PDCD6IP: variants seen among roughly 807,000 people sequenced by gnomAD.
The protein encoded by PDCD6IP is programmed cell death 6-interacting protein.
A neutral mutation model predicts 103.7 loss-of-function variants in PDCD6IP; 43 were observed. The ratio of observed to expected loss-of-function variants is 0.41; its 90% confidence interval spans 0.32 to 0.53. The LOEUF (loss-of-function observed/expected upper bound fraction) is 0.53, where lower values mean the gene tolerates loss of function less well. PDCD6IP is among the 20% of genes least tolerant of loss of function. PDCD6IP has a pLI of 0.16. For synonymous variants in PDCD6IP, 354 were observed against 378.7 expected (o/e 0.93, Z 0.76); for missense variants, 871 against 1,036.7 (o/e 0.84, Z 2.20).
intron 2 of PDCD6IP, among the ~76,000 whole-genome samples, chr3:33,813,048 C>T (rs544364288): frequency 6.6e-6 from 1 of 152,152 alleles, no homozygotes; most frequent in Non-Finnish European, 1.5e-5. Context: ...TTTCATGTAG[C>T]ATATGGAAAA....
Position 33,828,968 on chromosome 3 carries a change from A to G in PDCD6IP, c.833A>G (p.Gln278Arg). 1.3e-6 allele frequency: 2 copies of G among 1,598,310 alleles called. No individual in the cohort carries two copies. The highest frequency in any genetic ancestry group is 8.5e-7 in the Non-Finnish European group (1 of 1,172,168). Residue 278 changes from glutamine (Q) to arginine (R), a missense_variant and splice_region_variant, in exon 7 of 18, where the codon CAG (glutamine) becomes CGG (arginine). Physicochemically the swap from Gln to Arg is conservative, Grantham distance 43. Coordinates refer to ENST00000307296, the MANE Select transcript of PDCD6IP (RefSeq NM_013374.6). ...KKFGEEIARL[Q>R]HAAELIKTVA... is the part of the protein sequence containing the mutation. Reference sequence around the variant, plus strand: ...TTTGGAGAAGAAATTGCAAGGTTACAGGTGAGTCTCTTGGTAATAAATATT... The same window carrying G: ...TTTGGAGAAGAAATTGCAAGGTTACGGGTGAGTCTCTTGGTAATAAATATT...
At chr3:33,864,506 C>T (rs1336795325) in intron 16 of PDCD6IP, among the ~76,000 whole-genome samples, 2 of 152,028 alleles carry the variant, frequency 1.3e-5, no homozygotes, top group African/African-American at 4.8e-5. Flanking sequence ...GAGGCATATT[C>T]TAGATGAAAA....
intron 9 of PDCD6IP, among the ~76,000 whole-genome samples, chr3:33,840,148 A>AC (rs60185322): frequency 1.0e-3 from 154 of 152,040 alleles, no homozygotes; most frequent in African/African-American, 3.6e-3. Flanking sequence ...CTTACCGATA[A>AC]ACAGTCAATT....
intron 15 of PDCD6IP, among the ~76,000 whole-genome samples, chr3:33,859,425 A>G (rs1318173111): frequency 6.6e-6 from 1 of 152,182 alleles, no homozygotes; most frequent in Non-Finnish European, 1.5e-5. Flanking sequence ...TGGGAATCCA[A>G]TATTTGAAAC....
chr3:33,825,081 A>T, intron 4 of PDCD6IP, 106 bp from the exon 5 acceptor site: 2 of 944,076 alleles, frequency 2.1e-6, no homozygotes, highest in Non-Finnish European at 3.3e-6. Flanking sequence ...AAATTTAAAT[A>T]TATTAACTGT....
intron 3 of PDCD6IP, among the ~76,000 whole-genome samples, chr3:33,813,909 CAAACTCATGG>C (rs1575904624): frequency 6.6e-6 from 1 of 152,154 alleles, no homozygotes; most frequent in Admixed American, 6.5e-5. Context: ...AGCCTATGAA[CAAACTCATGG>C]AAGCATATAT....
intron 9 of PDCD6IP, among the ~76,000 whole-genome samples, chr3:33,839,941 G>A (rs9842672): frequency 2.0e-5 from 3 of 151,970 alleles, no homozygotes; most frequent in African/African-American, 7.3e-5. Flanking sequence ...GTTTTTAAAA[G>A]TGAGTTTTTC....
Position 33,845,601 on chromosome 3 carries a change from C to G in PDCD6IP, c.1641+13C>G. 6.3e-7 allele frequency: 1 copy of G among 1,579,136 alleles called. No individual in the cohort carries two copies. The highest frequency in any genetic ancestry group is 8.6e-7 in the Non-Finnish European group (1 of 1,156,894). On this transcript the variant is annotated intron_variant, in intron 12 of 17. Transcript: ENST00000307296. Reference sequence around the variant, plus strand: ...GCAGGGCAGTGAGGTAAGAAGGACACTTTGATGTAGGTTGTCATCTGCTTA... The same window carrying G: ...GCAGGGCAGTGAGGTAAGAAGGACAGTTTGATGTAGGTTGTCATCTGCTTA...
chr3:33,855,133 T>C lies in PDCD6IP; in HGVS notation c.2026-33T>C, dbSNP rs746667850. ...ACTCTCTGGATTAAAAAATTGTTCT[T>C]GTTCCTTACTTGTATTTGTTCTTTG... is the stretch of plus-strand genomic sequence containing the variant. On this transcript the variant is annotated intron_variant, in intron 14 of 17. Transcript: ENST00000307296. The C allele has an allele frequency of 2.9e-6, 4 of 1,368,032 alleles. No individual in the cohort carries two copies. In the East Asian group the frequency reaches 9.2e-5, roughly 31 times the overall value. The allele number at this position is 1,368,032 out of a possible 1,614,324, so 84.7% of individuals were successfully genotyped here.
chr3:33,860,224 CAAGTATATAT>C (rs1697922135), intron 15 of PDCD6IP, among the ~76,000 whole-genome samples: 1 of 152,000 alleles, frequency 6.6e-6, no homozygotes, highest in Non-Finnish European at 1.5e-5. Context: ...TTGTTGTAAA[CAAGTATATAT>C]TTTATTTACA....
At chr3:33,830,784 A>G (rs1163287848) in intron 7 of PDCD6IP, among the ~76,000 whole-genome samples, 1 of 152,174 alleles carries the variant, frequency 6.6e-6, no homozygotes. Flanking sequence ...TAGGCATGAA[A>G]TATTTTTTAA....
intron 2 of PDCD6IP, 174 bp from the exon 3 acceptor site, chr3:33,813,385 C>T (rs535944407): frequency 6.5e-5 from 32 of 489,682 alleles, no homozygotes; most frequent in Non-Finnish European, 9.7e-5. Flanking sequence ...CAGTATTTTA[C>T]TTTTTTTAGA....
At position 33,841,919 on chromosome 3, in the gene PDCD6IP, C is replaced by T; in HGVS notation, c.1204C>T (p.Pro402Ser). The change falls in exon 10 of 18, where the codon CCA becomes TCA. Residue 402 changes from proline (P) to serine (S), a missense_variant. By Grantham distance (74) the Pro-to-Ser change is moderately conservative. Around this residue, in one of 5 missense-constraint regions of PDCD6IP, gnomAD observed 266 missense variants for 390.5 expected, o/e 0.68. Transcript: ENST00000307296. ...CAGGGTGCTAGCTTCCCTTAATCTTCCAGCAGCAATTGAAGATGTGTCTGG... is the reference window on the plus strand; with the variant it reads ...CAGGGTGCTAGCTTCCCTTAATCTTTCAGCAGCAATTGAAGATGTGTCTGG... ...ANGVLASLNLPAAIEDVSGDT... is the reference protein window; with the variant it reads ...ANGVLASLNLSAAIEDVSGDT... 6.3e-7 allele frequency: 1 copy of T among 1,575,452 alleles called. No homozygotes were observed. The highest frequency in any genetic ancestry group is 8.7e-7 in the Non-Finnish European group (1 of 1,155,198).
At chr3:33,848,066 T>C (rs1395586012) in intron 12 of PDCD6IP, among the ~76,000 whole-genome samples, 1 of 152,214 alleles carries the variant, frequency 6.6e-6, no homozygotes, top group Non-Finnish European at 1.5e-5. Flanking sequence ...AGTGCCTTTT[T>C]TGGATTCACA....
chr3:33,822,203 C>A, intron 4 of PDCD6IP, 121 bp downstream of exon 4: 1 of 987,866 alleles, frequency 1.0e-6, no homozygotes, highest in Non-Finnish European at 1.5e-6. Context: ...AACGAATGCA[C>A]TTTTAAAATG....
In PDCD6IP at chr3:33,864,123, C is replaced by T; in HGVS notation, c.2238C>T (p.Thr746=). 6.4e-7 allele frequency: 1 copy of T among 1,557,922 alleles called. No individual in the cohort carries two copies. Among genetic ancestry groups the T allele is most frequent in the Non-Finnish European group, 8.9e-7 (1 of 1,129,770 alleles). The part of the protein sequence containing the change: ...APTPPTPAPR[T]MPPTKPQPPA... ...CTCCTCCAACTCCAGCGCCAAGAAC[C>T]ATGCCGGTTAGTAGGCAAATAAATA... is the stretch of plus-strand genomic sequence containing the variant. Residue 746 remains threonine, a synonymous_variant, in exon 16 of 18, where the codon ACC becomes ACT. Coordinates refer to ENST00000307296, the MANE Select transcript of PDCD6IP (RefSeq NM_013374.6).
intron 1 of PDCD6IP, among the ~76,000 whole-genome samples, chr3:33,805,256 T>TAG (rs1452971184): frequency 6.6e-6 from 1 of 150,952 alleles, no homozygotes; most frequent in Admixed American, 6.6e-5. Context: ...CTCGGGAGGC[T>TAG]GAGGCAGAGA....
At chr3:33,865,452 TCCCA>T (rs1698044408) in intron 17 of PDCD6IP, 22 bp downstream of exon 17, 1 of 1,559,826 alleles carries the variant, frequency 6.4e-7, no homozygotes, top group African/African-American at 1.4e-5. Context: ...ACATTGTGTA[TCCCA>T]AGTTGGCTAA....
chr3:33,866,028 A>G (rs1048965811), intron 17 of PDCD6IP, among the ~76,000 whole-genome samples: 4 of 152,342 alleles, frequency 2.6e-5, no homozygotes, highest in East Asian at 3.9e-4. Context: ...AGAGGAATGT[A>G]TTTAGATGAC....
Sources: allele counts gnomAD v4.1 joint callset (sites outside exome capture counted in the v4.1 genomes callset), GRCh38; gene constraint gnomAD v4.1.1; regional missense constraint gnomAD v4.1.1; transcripts MANE v1.5; gene names NCBI Gene and HGNC (gene_info 2026-07-23, HGNC 2026-07-21).